The following ATP8B4 variants were observed in gnomAD, a reference collection of about 807,000 sequenced individuals.
The protein encoded by ATP8B4 is ATPase phospholipid transporting 8B4 (putative).
A neutral mutation model predicts 145.6 loss-of-function variants in ATP8B4; 133 were observed. The ratio of observed to expected loss-of-function variants is 0.91; its 90% CI spans 0.79 to 1.05. ATP8B4 has a LOEUF of 1.05. ATP8B4 is among the 50% of genes least tolerant of loss of function. The probability of loss-of-function intolerance (pLI) is 0.00; values close to 1 mark genes in which losing one functional copy is unlikely to be tolerated. For synonymous variants in ATP8B4, 507 were observed against 492.9 expected (o/e 1.03, Z -0.38); for missense variants, 1,458 against 1,425.2 (o/e 1.02, Z -0.37).
intron 12 of ATP8B4, among the ~76,000 whole-genome samples, chr15:49,978,838 A>G (rs57694299): frequency 5.9e-4 from 54 of 92,010 alleles, no homozygotes; most frequent in African/African-American, 2.0e-3. Flanking sequence ...GTGTGTGTGT[A>G]TGTGTTCTGT....
intron 9 of ATP8B4, among the ~76,000 whole-genome samples, chr15:49,994,236 C>G (rs956849311): frequency 3.9e-5 from 6 of 152,120 alleles, no homozygotes; most frequent in Non-Finnish European, 7.4e-5. Context: ...CACCTGCCTT[C>G]CAGGAGGAGA....
At chr15:50,150,758 A>G (rs1168328332) in intron 1 of ATP8B4, among the ~76,000 whole-genome samples, 4 of 152,276 alleles carry the variant, frequency 2.6e-5, no homozygotes, top group Non-Finnish European at 5.9e-5. Context: ...TAACAAATAC[A>G]AAGTTTAAAA....
At chr15:49,932,116 G>C (rs889756060) in intron 15 of ATP8B4, among the ~76,000 whole-genome samples, 1 of 151,644 alleles carries the variant, frequency 6.6e-6, no homozygotes, top group Admixed American at 6.6e-5. Flanking sequence ...ATTAGGCATA[G>C]CTAGACCCAT....
chr15:50,018,892 T>C, intron 6 of ATP8B4: 1 of 1,225,012 alleles, frequency 8.2e-7, no homozygotes, highest in Non-Finnish European at 1.1e-6. Flanking sequence ...CACTTACATT[T>C]TTCTCAGGAC....
At chr15:50,108,407 T>A (rs1282499354) in intron 1 of ATP8B4, among the ~76,000 whole-genome samples, 1 of 151,964 alleles carries the variant, frequency 6.6e-6, no homozygotes, top group Non-Finnish European at 1.5e-5. Flanking sequence ...ACACCTCTTG[T>A]TGGCCTCAGG....
intron 1 of ATP8B4, among the ~76,000 whole-genome samples, chr15:50,175,337 C>A (rs2044746209): frequency 1.3e-5 from 2 of 152,132 alleles, no homozygotes; most frequent in Non-Finnish European, 2.9e-5. Flanking sequence ...GCAAAAGGAA[C>A]AGCAGAGTAA....
In ATP8B4 at chr15:49,972,763, A is replaced by T; in HGVS notation, c.1062T>A (p.Ser354Arg). 6.2e-7 allele frequency: 1 copy of T among 1,614,004 alleles called. No individual in the cohort carries two copies. ...TCTTCCGGTCCCAGTTTATAAAATA[A>T]CTGTGTCCTAGACGAATTACTTCCA... ...VSVEVIRLGH[S>R]YFINWDRKMY... The change falls in exon 13 of 28, where the codon AGT becomes AGA. Residue 354 changes from serine (S) to arginine (R), a missense_variant. Physicochemically the swap from Ser to Arg is moderately radical, Grantham distance 110 (BLOSUM62 -1). Coordinates refer to ENST00000284509, the MANE Select transcript of ATP8B4 (RefSeq NM_024837.4).
At chr15:50,078,963 C>A (rs1419591570) in intron 2 of ATP8B4, among the ~76,000 whole-genome samples, 2 of 152,150 alleles carry the variant, frequency 1.3e-5, no homozygotes, top group African/African-American at 4.8e-5. Flanking sequence ...CAGACAACGA[C>A]CATCTACAAA....
chr15:50,158,468 C>T (rs529234401), intron 1 of ATP8B4, among the ~76,000 whole-genome samples: 2 of 150,272 alleles, frequency 1.3e-5, no homozygotes, highest in South Asian at 4.2e-4. Flanking sequence ...CCAGCCGCCC[C>T]GTCCGGGAGG....
chr15:49,911,183 A>G (rs1053446001), intron 20 of ATP8B4, among the ~76,000 whole-genome samples: 2 of 152,160 alleles, frequency 1.3e-5, no homozygotes, highest in East Asian at 3.8e-4. Flanking sequence ...CGCTTGAAAA[A>G]TACAGAATGG....
chr15:49,887,734 C>T (rs2039970717), intron 23 of ATP8B4, among the ~76,000 whole-genome samples: 1 of 151,880 alleles, frequency 6.6e-6, no homozygotes, highest in Non-Finnish European at 1.5e-5. Context: ...GAAAGCTCCT[C>T]GCTCCCTTCT....
At chr15:49,984,441 A>AC (rs1261753088) in intron 10 of ATP8B4, among the ~76,000 whole-genome samples, 1 of 152,218 alleles carries the variant, frequency 6.6e-6, no homozygotes, top group African/African-American at 2.4e-5. Context: ...ACAAAAGGTT[A>AC]GTGCATTAAC....
Position 49,860,461 on chromosome 15 carries a change from C to G in ATP8B4, c.3312G>C (p.Gln1104His). The change falls in exon 28 of 28, where the codon CAG becomes CAC. Residue 1104 changes from glutamine (Q) to histidine (H), a missense_variant. Physicochemically the swap from Gln to His is conservative, Grantham distance 24. Coordinates refer to ENST00000284509, the MANE Select transcript of ATP8B4 (RefSeq NM_024837.4). ...PTLSDQIRRWQKAQKKARPPS... is the reference protein window; with the variant it reads ...PTLSDQIRRWHKAQKKARPPS... ...GAGGCCTTGCCTTCTTTTGAGCCTT[C>G]TGCCACCGGCGGATCTGGAGAGAAA... The G allele has an allele frequency of 1.2e-6, 2 of 1,610,568 alleles. No individual in the cohort carries two copies. Among genetic ancestry groups the G allele is most frequent in the Non-Finnish European group, 1.7e-6 (2 of 1,178,794 alleles).
intron 14 of ATP8B4, among the ~76,000 whole-genome samples, chr15:49,937,641 T>C (rs1202600921): frequency 1.3e-5 from 2 of 152,178 alleles, no homozygotes; most frequent in Non-Finnish European, 2.9e-5. Flanking sequence ...AGACTATCTA[T>C]GGTTTGACAT....
chr15:49,881,924 T>A (rs140542621), intron 23 of ATP8B4, among the ~76,000 whole-genome samples: 2 of 152,208 alleles, frequency 1.3e-5, no homozygotes, highest in Non-Finnish European at 2.9e-5. Flanking sequence ...TTAATAACTA[T>A]CTCAAGGCCT....
chr15:49,911,575 A>C (rs1220564114), intron 20 of ATP8B4, among the ~76,000 whole-genome samples: 1 of 152,160 alleles, frequency 6.6e-6, no homozygotes, highest in Non-Finnish European at 1.5e-5. Context: ...AGTAGACTCC[A>C]ATACAATAAT....
chr15:50,149,272 A>C (rs2044316748), intron 1 of ATP8B4, among the ~76,000 whole-genome samples: 1 of 152,226 alleles, frequency 6.6e-6, no homozygotes, highest in African/African-American at 2.4e-5. Context: ...ATAAGCATAA[A>C]ACACAGAAGA....
chr15:50,092,103 G>A (rs965761929), intron 2 of ATP8B4, among the ~76,000 whole-genome samples: 2 of 152,122 alleles, frequency 1.3e-5, no homozygotes, highest in Non-Finnish European at 1.5e-5. Flanking sequence ...GCCTAGCAGG[G>A]AAGAGAGGTC....
At chr15:49,934,287 C>A in intron 14 of ATP8B4, 105 bp from the exon 15 acceptor site, 1 of 1,306,138 alleles carries the variant, frequency 7.7e-7, no homozygotes, top group South Asian at 1.5e-5. Flanking sequence ...TATTATTTTG[C>A]AGCCTCAAAT....
Sources: allele counts gnomAD v4.1 joint callset (sites outside exome capture counted in the v4.1 genomes callset), GRCh38; gene constraint gnomAD v4.1.1; transcripts MANE v1.5; gene names NCBI Gene and HGNC (gene_info 2026-07-23, HGNC 2026-07-21).